The following SHROOM3 variants were observed in gnomAD, a reference collection of about 807,000 sequenced individuals.
SHROOM3 encodes protein Shroom3.
SHROOM3 carries 47 observed loss-of-function variants against 138.6 expected under a neutral mutation model. That is an observed-to-expected ratio of 0.34 (90% CI 0.27 to 0.43). SHROOM3 has a LOEUF of 0.43. Ranked by LOEUF, SHROOM3 falls within the 20% of genes least tolerant of loss-of-function variation. The pLI, the probability that SHROOM3 is intolerant of heterozygous loss-of-function variation, is 1.00. For missense variants in SHROOM3, 2,491 were observed against 2,596.5 expected (o/e 0.96, Z 0.88); for synonymous variants, 1,062 against 1,063.3 (o/e 1.00, Z 0.02).
chr4:76,490,239 G>A (rs573563587), intron 1 of SHROOM3, among the ~76,000 whole-genome samples: 4 of 152,238 alleles, frequency 2.6e-5, no homozygotes, highest in East Asian at 1.9e-4. Flanking sequence ...AGACTTAGCC[G>A]GCAATCAGTC....
At chr4:76,735,776 G>A (rs900887639) in intron 4 of SHROOM3, among the ~76,000 whole-genome samples, 7 of 144,798 alleles carry the variant, frequency 4.8e-5, no homozygotes, top group African/African-American at 1.8e-4. Context: ...GGAGGCGGTG[G>A]TTGCAGTGAG....
Position 76,608,705 on chromosome 4 carries a change from GCACAGCACAGCA to G in SHROOM3, c.323+52945_323+52956del, listed in dbSNP as rs1734697622. Reference sequence around the variant, plus strand: ...GCACAGCACAGCACAGCACAGCACAGCACAGCACAGCACAGCACAGCACAGCATAGCATAGCA... The same window carrying G: ...GCACAGCACAGCACAGCACAGCACAGCAGCACAGCACAGCATAGCATAGCA... On this transcript the variant is annotated intron_variant, in intron 2 of 10. Transcript: ENST00000296043. Among the ~76,000 whole-genome samples, 5 of 138,052 alleles carry G rather than the reference GCACAGCACAGCA, an allele frequency of 3.6e-5. 1 individual carries two copies. Among genetic ancestry groups the G allele is most frequent in the Non-Finnish European group, 7.7e-5 (5 of 65,348 alleles). The allele number at this position is 138,052 out of a possible 152,430, so 90.6% of individuals were successfully genotyped here.
chr4:76,437,118 CA>C (rs1479229015), intron 1 of SHROOM3, among the ~76,000 whole-genome samples: 2 of 152,140 alleles, frequency 1.3e-5, no homozygotes, highest in East Asian at 3.9e-4. Context: ...GAAATAATTC[CA>C]AAAGGTTATT....
At chr4:76,502,718 A>G (rs1005756801) in intron 1 of SHROOM3, among the ~76,000 whole-genome samples, 1 of 152,188 alleles carries the variant, frequency 6.6e-6, no homozygotes, top group East Asian at 1.9e-4. Flanking sequence ...TGCTGCTACA[A>G]TATCATAAGA....
Position 76,782,030 on chromosome 4 carries a change from G to C in SHROOM3, c.*2853G>C, listed in dbSNP as rs1165946029. The C allele has an allele frequency of 6.6e-6, 1 of 152,202 alleles. No individual in the cohort carries two copies. The highest frequency in any genetic ancestry group is 1.5e-5 in the Non-Finnish European group (1 of 68,042). 9.4% of individuals were successfully genotyped at this position (152,202 alleles called of 1,614,324 possible). Reference sequence around the variant, plus strand: ...CAGCCACCCGCAAGGTTCCAGGAAAGGACAATGTCCTGCGAGAAAATCAGG... The same window carrying C: ...CAGCCACCCGCAAGGTTCCAGGAAACGACAATGTCCTGCGAGAAAATCAGG... On this transcript the variant is annotated 3_prime_UTR_variant, in exon 11 of 11. Coordinates refer to ENST00000296043, the MANE Select transcript of SHROOM3 (RefSeq NM_020859.4).
chr4:76,493,965 G>A (rs1731911313), intron 1 of SHROOM3, among the ~76,000 whole-genome samples: 2 of 152,296 alleles, frequency 1.3e-5, no homozygotes, highest in South Asian at 2.1e-4. Context: ...GGCAACAAGA[G>A]TGAAACTCCA....
At chr4:76,442,638 T>A (rs575496234) in intron 1 of SHROOM3, among the ~76,000 whole-genome samples, 6 of 152,108 alleles carry the variant, frequency 3.9e-5, no homozygotes, top group African/African-American at 1.4e-4. Flanking sequence ...CTCGATCTCC[T>A]TACCTTATGA....
At chr4:76,686,198 T>G (rs982943040) in intron 2 of SHROOM3, among the ~76,000 whole-genome samples, 1 of 152,030 alleles carries the variant, frequency 6.6e-6, no homozygotes, top group African/African-American at 2.4e-5. Flanking sequence ...ATTTTTATTT[T>G]TTGTAGAGAT....
intron 1 of SHROOM3, among the ~76,000 whole-genome samples, chr4:76,447,943 C>G (rs192205486): frequency 1.8e-4 from 28 of 152,226 alleles, no homozygotes; most frequent in Admixed American, 4.6e-4. Flanking sequence ...TTGCAAATTT[C>G]TGAACTCAGG....
chr4:76,724,755 G>A (rs1720650772), intron 3 of SHROOM3, among the ~76,000 whole-genome samples: 1 of 152,156 alleles, frequency 6.6e-6, no homozygotes, highest in Non-Finnish European at 1.5e-5. Context: ...ATATCAGTAT[G>A]TATAGAGATA....
intron 1 of SHROOM3, among the ~76,000 whole-genome samples, chr4:76,500,480 C>T (rs1732067129): frequency 6.6e-6 from 1 of 152,140 alleles, no homozygotes; most frequent in African/African-American, 2.4e-5. Context: ...CAGTGAAGAT[C>T]GGAATTTGGG....
chr4:76,685,484 G>T (rs1238216367), intron 2 of SHROOM3, among the ~76,000 whole-genome samples: 1 of 152,184 alleles, frequency 6.6e-6, no homozygotes, highest in Non-Finnish European at 1.5e-5. Flanking sequence ...TAAGCTGAGG[G>T]TTGGACAAGC....
chr4:76,523,585 T>C (rs1732614959), intron 1 of SHROOM3, among the ~76,000 whole-genome samples: 2 of 152,326 alleles, frequency 1.3e-5, no homozygotes, highest in East Asian at 1.9e-4. Context: ...GGGGAAAATA[T>C]ACTATATCAA....
intron 2 of SHROOM3, among the ~76,000 whole-genome samples, chr4:76,599,196 T>C (rs990096763): frequency 6.6e-6 from 1 of 152,088 alleles, no homozygotes; most frequent in South Asian, 2.1e-4. Flanking sequence ...TGTTACCTGT[T>C]GAATAATAAC....
At chr4:76,551,716 A>G (rs1035741265) in intron 1 of SHROOM3, among the ~76,000 whole-genome samples, 2 of 152,144 alleles carry the variant, frequency 1.3e-5, no homozygotes, top group Admixed American at 6.6e-5. Context: ...ACAGACATAG[A>G]CATAAATAGC....
intron 10 of SHROOM3, among the ~76,000 whole-genome samples, chr4:76,775,708 T>C (rs1348442034): frequency 6.6e-6 from 1 of 151,450 alleles, no homozygotes; most frequent in African/African-American, 2.4e-5. Flanking sequence ...CATAACATAT[T>C]TGTATATGTG....
At chr4:76,522,154 T>C (rs1732579832) in intron 1 of SHROOM3, among the ~76,000 whole-genome samples, 1 of 149,814 alleles carries the variant, frequency 6.7e-6, no homozygotes, top group African/African-American at 2.4e-5. Context: ...ATTGGATCTT[T>C]TTTTTTTTTT....
chr4:76,688,878 C>A (rs1193846519), intron 2 of SHROOM3: 1 of 985,098 alleles, frequency 1.0e-6, no homozygotes, highest in African/African-American at 1.7e-5. Context: ...GCGGCATTCA[C>A]CACCACCTGC....
chr4:76,703,210 G>A (rs1195008788), intron 2 of SHROOM3, among the ~76,000 whole-genome samples: 2 of 152,148 alleles, frequency 1.3e-5, no homozygotes, highest in Non-Finnish European at 2.9e-5. Flanking sequence ...GACAGGAGGA[G>A]GCTTTAAGTA....
Sources: gnomAD v4.1 joint callset for allele counts (sites outside exome capture counted in the v4.1 genomes callset) on GRCh38, gnomAD v4.1.1 for gene constraint, MANE v1.5 for transcripts, NCBI Gene and HGNC (gene_info 2026-07-23, HGNC 2026-07-21) for gene names.